The following PSKH1 variants were observed in gnomAD, a reference collection of about 807,000 sequenced individuals.
The protein encoded by PSKH1 is serine/threonine-protein kinase H1.
In PSKH1, 12 loss-of-function variants were observed where a neutral mutation model predicts 26.7. That is an observed-to-expected ratio of 0.45 (90% CI 0.29 to 0.73). The LOEUF is 0.73. Among genes scored for constraint, PSKH1 ranks in the 30% least tolerant of loss-of-function variants. The pLI, the probability that PSKH1 is intolerant of heterozygous loss-of-function variation, is 0.11. For synonymous variants in PSKH1, 213 were observed against 234.3 expected (o/e 0.91, Z 0.83); for missense variants, 431 against 595.2 (o/e 0.72, Z 2.87).
chr16:67,923,771 C>T (rs2058209336), intron 2 of PSKH1, among the ~76,000 whole-genome samples: 1 of 152,208 alleles, frequency 6.6e-6, no homozygotes, highest in East Asian at 1.9e-4. Flanking sequence ...TCACCTAGAA[C>T]AAACAGAGTT....
intron 1 of PSKH1, among the ~76,000 whole-genome samples, chr16:67,907,695 T>C (rs566278561): frequency 2.6e-5 from 4 of 152,104 alleles, no homozygotes; most frequent in Non-Finnish European, 4.4e-5. Flanking sequence ...CAGCCATCCA[T>C]GTAGTGTGCT....
At chr16:67,899,106 G>A (rs1321461463) in intron 1 of PSKH1, among the ~76,000 whole-genome samples, 1 of 152,072 alleles carries the variant, frequency 6.6e-6, no homozygotes, top group Non-Finnish European at 1.5e-5. Flanking sequence ...GGGACCCCTA[G>A]CTTTCCCCAG....
intron 2 of PSKH1, among the ~76,000 whole-genome samples, chr16:67,925,635 C>A (rs771839186): frequency 4.6e-5 from 7 of 152,188 alleles, no homozygotes; most frequent in Non-Finnish European, 8.8e-5. Context: ...TGGACCCTGA[C>A]TTTCCTCCTC....
At chr16:67,896,347 G>A (rs1261737798) in intron 1 of PSKH1, among the ~76,000 whole-genome samples, 1 of 151,934 alleles carries the variant, frequency 6.6e-6, no homozygotes, top group African/African-American at 2.4e-5. Flanking sequence ...GACCTCAGGT[G>A]ATCCACTCAC....
At chr16:67,896,430 C>A (rs567999599) in intron 1 of PSKH1, among the ~76,000 whole-genome samples, 15 of 151,600 alleles carry the variant, frequency 9.9e-5, no homozygotes, top group African/African-American at 3.4e-4. Context: ...TCTTAATAAG[C>A]GTGTTTGTTC....
rs763604843 is a variant in PSKH1, at chr16:67,927,473, G to A, written c.1106G>A (p.Arg369His). Reference sequence around the variant, plus strand: ...TCTTCATCCATGAAGAACCTGCACCGCTCCATATCCCAGAACCTCCTTAAA... The same window carrying A: ...TCTTCATCCATGAAGAACCTGCACCACTCCATATCCCAGAACCTCCTTAAA... ...AASSSMKNLH[R>H]SISQNLLKRA... is the part of the protein sequence containing the mutation. The change falls in exon 3 of 3, where the codon CGC becomes CAC. Residue 369 changes from arginine to histidine, a missense_variant. By Grantham distance (29) the Arg-to-His change is conservative. Coordinates refer to ENST00000291041, the MANE Select transcript of PSKH1 (RefSeq NM_006742.3). The surrounding 1 kb of genome is among the most constrained non-coding windows in gnomAD (Gnocchi z 5.5). 6.6e-5 allele frequency: 107 copies of A among 1,614,086 alleles called. No homozygotes were observed. The highest frequency in any genetic ancestry group is 1.6e-4 in the Middle Eastern group (1 of 6,084).
intron 2 of PSKH1, among the ~76,000 whole-genome samples, chr16:67,915,091 G>A (rs2058183555): frequency 6.6e-6 from 1 of 152,128 alleles, no homozygotes; most frequent in Non-Finnish European, 1.5e-5. Flanking sequence ...CGCTCCTACT[G>A]TAGCCGAAAG....
intron 2 of PSKH1, among the ~76,000 whole-genome samples, chr16:67,918,921 C>T (rs2151314204): frequency 6.6e-6 from 1 of 152,260 alleles, no homozygotes; most frequent in Non-Finnish European, 1.5e-5. Context: ...CTCTAACATG[C>T]CTTGGGATGT....
chr16:67,910,078 G>C lies in PSKH1; in HGVS notation c.957+372G>C, dbSNP rs549875665. On this transcript the variant is annotated intron_variant, in intron 2 of 2. Coordinates refer to ENST00000291041, the MANE Select transcript of PSKH1 (RefSeq NM_006742.3). Reference sequence around the variant, plus strand: ...TGCCTCATAGTTGTACCACCAAAGAGCAGGAACGTGAGTTTCTTTTTGTTT... The same window carrying C: ...TGCCTCATAGTTGTACCACCAAAGACCAGGAACGTGAGTTTCTTTTTGTTT... The C allele has an allele frequency of 6.9e-6, 3 of 433,490 alleles. No individual in the cohort carries two copies. In the South Asian group the frequency reaches 2.2e-4, roughly 32 times the overall value. 26.9% of individuals were successfully genotyped at this position (433,490 alleles called of 1,614,324 possible).
chr16:67,895,921 C>CT (rs2058125097), intron 1 of PSKH1, among the ~76,000 whole-genome samples: 2 of 152,200 alleles, frequency 1.3e-5, no homozygotes, highest in Non-Finnish European at 2.9e-5. Flanking sequence ...TTGAGGTTCT[C>CT]TAAGTCCTAA....
chr16:67,911,565 C>A (rs1004664875), intron 2 of PSKH1, among the ~76,000 whole-genome samples: 1 of 152,178 alleles, frequency 6.6e-6, no homozygotes, highest in African/African-American at 2.4e-5. Context: ...ACCTATAATC[C>A]CAGCTACTCG....
At chr16:67,901,232 C>T (rs181069078) in intron 1 of PSKH1, among the ~76,000 whole-genome samples, 1 of 152,092 alleles carries the variant, frequency 6.6e-6, no homozygotes, top group African/African-American at 2.4e-5. Flanking sequence ...TACAGAGTTT[C>T]TGATTGGAAT....
At chr16:67,925,224 T>C (rs1209221589) in intron 2 of PSKH1, among the ~76,000 whole-genome samples, 1 of 149,638 alleles carries the variant, frequency 6.7e-6, no homozygotes, top group Non-Finnish European at 1.5e-5. Context: ...TGAGACGGAG[T>C]CTCGCTCTGT....
intron 2 of PSKH1, among the ~76,000 whole-genome samples, chr16:67,917,871 AT>A (rs1456690407): frequency 6.6e-6 from 1 of 152,172 alleles, no homozygotes; most frequent in East Asian, 1.9e-4. Context: ...AAAAATCTGA[AT>A]GTTTACCCAG....
chr16:67,901,311 T>C (rs2058141298), intron 1 of PSKH1, among the ~76,000 whole-genome samples: 1 of 152,158 alleles, frequency 6.6e-6, no homozygotes, highest in South Asian at 2.1e-4. Context: ...GACTCTCTTA[T>C]TGCCGACTGA....
intron 1 of PSKH1, among the ~76,000 whole-genome samples, chr16:67,899,812 T>G (rs1357410749): frequency 6.6e-6 from 1 of 151,454 alleles, no homozygotes; most frequent in Non-Finnish European, 1.5e-5. Context: ...CACACTTGGC[T>G]AATTTTTTTG....
At position 67,927,551 on chromosome 16, in the gene PSKH1, G is replaced by T. The variant is rs867603325; in HGVS notation, c.1184G>T (p.Ser395Ile). 2 of 1,613,868 alleles carry T rather than the reference G, an allele frequency of 1.2e-6. No homozygotes were observed. The highest frequency in any genetic ancestry group is 2.7e-5 in the African/African-American group (2 of 74,948). Residue 395 changes from serine (S) to isoleucine (I), a missense_variant, in exon 3 of 3, where the codon AGC becomes ATC. Ser to Ile is a moderately radical substitution (Grantham distance 142). Coordinates refer to ENST00000291041, the MANE Select transcript of PSKH1 (RefSeq NM_006742.3). This position sits in a 1 kb window ranked among gnomAD's most constrained non-coding sequence, Gnocchi z 5.5. ...AAATCTGCCCAGTCCACGCGTTCCAGCCGCTCCACACGCTCCAATAAGTCA... is the reference window on the plus strand; with the variant it reads ...AAATCTGCCCAGTCCACGCGTTCCATCCGCTCCACACGCTCCAATAAGTCA... ...STKSAQSTRSSRSTRSNKSRR... is the reference protein window; with the variant it reads ...STKSAQSTRSIRSTRSNKSRR...
At chr16:67,910,536 T>A (rs1449844543) in intron 2 of PSKH1, among the ~76,000 whole-genome samples, 2 of 152,256 alleles carry the variant, frequency 1.3e-5, no homozygotes, top group African/African-American at 4.8e-5. Context: ...TTGCCCAGGC[T>A]GGAGTTCAGT....
chr16:67,927,268 C>T lies in PSKH1; in HGVS notation c.958-57C>T. 1 of 1,517,744 alleles carries T rather than the reference C, an allele frequency of 6.6e-7. No homozygotes were observed. Among genetic ancestry groups the T allele is most frequent in the Non-Finnish European group, 8.9e-7 (1 of 1,117,400 alleles). The allele number at this position is 1,517,744 out of a possible 1,614,324, so 94.0% of individuals were successfully genotyped here. On this transcript the variant is annotated intron_variant, in intron 2 of 2. Coordinates refer to ENST00000291041, the MANE Select transcript of PSKH1 (RefSeq NM_006742.3). This position sits in a 1 kb window ranked among gnomAD's most constrained non-coding sequence, Gnocchi z 5.5. ...AGGGTTGCTGAGTAGTGGCCTCATCCAGATGGGGTGGGCAGTGTCAGATGC... is the reference window on the plus strand; with the variant it reads ...AGGGTTGCTGAGTAGTGGCCTCATCTAGATGGGGTGGGCAGTGTCAGATGC...
Sources: allele counts gnomAD v4.1 joint callset (sites outside exome capture counted in the v4.1 genomes callset), GRCh38; gene constraint gnomAD v4.1.1; non-coding constraint Gnocchi (gnomAD v3.1); transcripts MANE v1.5; gene names NCBI Gene and HGNC (gene_info 2026-07-23, HGNC 2026-07-21).